Variants in ZNF516 observed in about 807,000 individuals in gnomAD.
The protein encoded by ZNF516 is zinc finger protein 516.
A neutral mutation model predicts 79.7 loss-of-function variants in ZNF516; 19 were observed. That is an observed-to-expected ratio of 0.24 (90% CI 0.17 to 0.35). The LOEUF (loss-of-function observed/expected upper bound fraction) is 0.35, where lower values mean the gene tolerates loss of function less well. ZNF516 is among the 10% of genes least tolerant of loss of function. The probability of loss-of-function intolerance (pLI) is 1.00; values close to 1 mark genes in which losing one functional copy is unlikely to be tolerated. For synonymous variants in ZNF516, 877 were observed against 739.5 expected (o/e 1.19, Z -3.02); for missense variants, 1,678 against 1,679.5 (o/e 1.00, Z 0.02).
chr18:76,379,596 C>T lies in ZNF516; in HGVS notation c.2518G>A (p.Val840Met), dbSNP rs1266462208. 1 of 1,613,640 alleles carries T rather than the reference C, an allele frequency of 6.2e-7. No individual in the cohort carries two copies. Among genetic ancestry groups the T allele is most frequent in the Non-Finnish European group, 8.5e-7 (1 of 1,179,902 alleles). ...TTGGACCCCGGCATCCCCCCTGGCA[C>T]CTGAGTGCGGGTGAACCGAGCAAGG... ...LLLARFTRTQ[V>M]PGGMPGSKSG... Residue 840 changes from valine (V) to methionine (M), a missense_variant, in exon 4 of 7, where the codon GTG (valine) becomes ATG (methionine). Transcript: ENST00000443185.
chr18:76,470,743 G>A (rs989172865), intron 1 of ZNF516, among the ~76,000 whole-genome samples: 5 of 152,180 alleles, frequency 3.3e-5, no homozygotes, highest in East Asian at 1.9e-4. Flanking sequence ...GGCTGGGCGC[G>A]GTGGCTACCG....
rs780951480 is a variant in ZNF516 at position 76,443,056 on chromosome 18, C to T, written c.-2G>A. On this transcript the variant is annotated 5_prime_UTR_variant, in exon 3 of 7. Coordinates refer to ENST00000443185, the MANE Select transcript of ZNF516 (RefSeq NM_014643.4). ...CTCGGCCTCTCTGTTGCGATCCATC[C>T]GAAGGACGGGCGCGGCCGGTGGTGG... 14 of 1,583,454 alleles carry T rather than the reference C, an allele frequency of 8.8e-6. No homozygotes were observed. The highest frequency in any genetic ancestry group is 1.1e-5 in the South Asian group (1 of 88,788).
chr18:76,377,715 A>ATTTTTT (rs1213742643), intron 4 of ZNF516, among the ~76,000 whole-genome samples: 2,114 of 133,524 alleles, frequency 0.016, 34 homozygotes, highest in African/African-American at 0.028. Context: ...TTACAACGTT[A>ATTTTTT]TTTTTTTTTT....
At chr18:76,470,433 A>G (rs1395373153) in intron 1 of ZNF516, among the ~76,000 whole-genome samples, 1 of 152,196 alleles carries the variant, frequency 6.6e-6, no homozygotes, top group Non-Finnish European at 1.5e-5. Flanking sequence ...AGCTGAAGTG[A>G]TCTTACATGC....
chr18:76,404,843 C>T (rs2075283458), intron 3 of ZNF516, among the ~76,000 whole-genome samples: 1 of 151,792 alleles, frequency 6.6e-6, no homozygotes, highest in Non-Finnish European at 1.5e-5. Flanking sequence ...ATCACTGTAA[C>T]TGTGTGCATG....
chr18:76,491,476 CTG>C (rs1238223239), intron 1 of ZNF516, among the ~76,000 whole-genome samples: 1 of 138,810 alleles, frequency 7.2e-6, no homozygotes, highest in East Asian at 2.4e-4. Context: ...CGAAGTTGGG[CTG>C]TGGGTCCGTC....
chr18:76,359,743 A>G lies in ZNF516; in HGVS notation c.*2755T>C, dbSNP rs1219709066. 1.3e-5 allele frequency: 2 copies of G among 152,330 alleles called. No homozygotes were observed. Among genetic ancestry groups the G allele is most frequent in the African/African-American group, 2.4e-5 (1 of 41,558 alleles). 9.4% of individuals were successfully genotyped at this position (152,330 alleles called of 1,614,324 possible). A position where few individuals can be genotyped will look rare whatever the true frequency, so the allele number is the denominator to read the frequency against. On this transcript the variant is annotated 3_prime_UTR_variant, in exon 7 of 7. Transcript: ENST00000443185. ...TAAAAAATCCTGTTAAGAAACAAGG[A>G]AACAGCAGATCGGGAGAGGTAGTAG... is the stretch of plus-strand genomic sequence containing the variant.
chr18:76,394,961 G>A (rs902231507), intron 3 of ZNF516, among the ~76,000 whole-genome samples: 3 of 152,126 alleles, frequency 2.0e-5, no homozygotes, highest in Non-Finnish European at 4.4e-5. Context: ...TTGACTGGAA[G>A]AACCGGATGA....
chr18:76,496,245 C>A (rs1915477363), upstream of ZNF516: 5 of 1,262,308 alleles, frequency 4.0e-6, no homozygotes. Flanking sequence ...GGAGCTGCGG[C>A]CTGCGGAGGG....
chr18:76,461,835 C>T (rs1456719233), intron 2 of ZNF516, among the ~76,000 whole-genome samples: 1 of 152,210 alleles, frequency 6.6e-6, no homozygotes, highest in Non-Finnish European at 1.5e-5. Context: ...AGGTATCCCC[C>T]GAGTGCCCGC....
At chr18:76,439,252 G>A (rs1304445027) in intron 3 of ZNF516, among the ~76,000 whole-genome samples, 1 of 152,168 alleles carries the variant, frequency 6.6e-6, no homozygotes. Flanking sequence ...TGCTACACTA[G>A]ACCATTAAAG....
Position 76,379,094 on chromosome 18 carries a change from G to C in ZNF516, c.3020C>G (p.Ala1007Gly). The C allele has an allele frequency of 6.2e-7, 1 of 1,611,196 alleles. No individual in the cohort carries two copies. Among genetic ancestry groups the C allele is most frequent in the Non-Finnish European group, 8.5e-7 (1 of 1,179,630 alleles). The stretch of plus-strand genomic sequence containing the variant: ...GGTGGCCAGAGTCCTCAGCTCCTGG[G>C]CTGCCTTCGAGGGGGGCTCGCGGGG... ...LPPREPPSKA[A>G]QELRTLATCA... The change falls in exon 4 of 7, where the codon GCC (alanine) becomes GGC (glycine). Residue 1007 changes from alanine (A) to glycine (G), a missense_variant. Physicochemically the swap from Ala to Gly is moderately conservative, Grantham distance 60. Transcript: ENST00000443185.
intron 3 of ZNF516, chr18:76,389,491 A>G (rs79894215): frequency 0.038 from 5,816 of 152,282 alleles, 121 homozygotes; most frequent in Middle Eastern, 0.068. Context: ...AGCTCTCGGG[A>G]ATTCTGCAGG....
At chr18:76,452,430 C>T (rs746255127) in intron 2 of ZNF516, among the ~76,000 whole-genome samples, 7 of 152,134 alleles carry the variant, frequency 4.6e-5, no homozygotes, top group African/African-American at 1.2e-4. Context: ...AGGAACTGTC[C>T]GTAATAAGGC....
chr18:76,428,299 A>C (rs1185656588), intron 3 of ZNF516, among the ~76,000 whole-genome samples: 2 of 151,918 alleles, frequency 1.3e-5, no homozygotes, highest in Non-Finnish European at 2.9e-5. Context: ...AGGCTGAGGC[A>C]GGAGAATCGC....
chr18:76,380,214 C>A lies in ZNF516; in HGVS notation c.1900G>T (p.Ala634Ser), dbSNP rs200573902. The A allele has an allele frequency of 3.7e-6, 6 of 1,613,868 alleles. No individual in the cohort carries two copies. The highest frequency in any genetic ancestry group is 5.1e-6 in the Non-Finnish European group (6 of 1,179,904). ...GACTCGCCGGTGTCTCTTTCCGAGGCGTTATCTCCCATCTTGTGACTCTGG... is the reference window on the plus strand; with the variant it reads ...GACTCGCCGGTGTCTCTTTCCGAGGAGTTATCTCCCATCTTGTGACTCTGG... ...GDQSHKMGDN[A>S]SERDTGESKA... The change falls in exon 4 of 7, where the codon GCC (alanine) becomes TCC (serine). Residue 634 changes from alanine to serine, a missense_variant. Ala to Ser is a moderately conservative substitution (Grantham distance 99, BLOSUM62 1). Coordinates refer to ENST00000443185, the MANE Select transcript of ZNF516 (RefSeq NM_014643.4).
intron 3 of ZNF516, among the ~76,000 whole-genome samples, chr18:76,384,557 C>T (rs1011196235): frequency 6.9e-6 from 1 of 144,594 alleles, no homozygotes; most frequent in Admixed American, 6.9e-5. Flanking sequence ...TGTGGTTCCA[C>T]ACATCCCCTC....
chr18:76,485,495 A>C (rs6650695), intron 1 of ZNF516, among the ~76,000 whole-genome samples: 1 of 152,030 alleles, frequency 6.6e-6, no homozygotes, highest in Non-Finnish European at 1.5e-5. Context: ...GTGTGGATGA[A>C]TAGAAATTTG....
intron 1 of ZNF516, among the ~76,000 whole-genome samples, chr18:76,472,184 T>C (rs770890657): frequency 6.6e-6 from 1 of 152,180 alleles, no homozygotes; most frequent in African/African-American, 2.4e-5. Flanking sequence ...CTGCTGCAGA[T>C]TGGCTGAGGG....
Sources: gnomAD v4.1 joint callset for allele counts (sites outside exome capture counted in the v4.1 genomes callset) on GRCh38, gnomAD v4.1.1 for gene constraint, MANE v1.5 for transcripts, NCBI Gene and HGNC (gene_info 2026-07-23, HGNC 2026-07-21) for gene names.